The following FAM13B variants were observed in gnomAD, a reference collection of about 807,000 sequenced individuals.
FAM13B encodes protein FAM13B.
Under a neutral mutation model 117.3 loss-of-function variants are expected in FAM13B, and 60 were observed. The ratio of observed to expected loss-of-function variants is 0.51; its 90% CI spans 0.42 to 0.63. FAM13B has a LOEUF of 0.63. Ranked by LOEUF, FAM13B falls within the 30% of genes least tolerant of loss-of-function variation. The probability of loss-of-function intolerance (pLI) is 0.00; values close to 1 mark genes in which losing one functional copy is unlikely to be tolerated. For missense variants in FAM13B, 972 were observed against 1,091.9 expected (o/e 0.89, Z 1.55); for synonymous variants, 332 against 356.1 (o/e 0.93, Z 0.76).
chr5:138,026,142 T>G (rs1788290032), intron 1 of FAM13B, among the ~76,000 whole-genome samples: 1 of 152,098 alleles, frequency 6.6e-6, no homozygotes. Flanking sequence ...ACAACAACCC[T>G]AAAGGAGGCA....
In FAM13B at chr5:137,943,187, C is replaced by T; in HGVS notation, c.2370G>A (p.Gln790=). 6.2e-7 allele frequency: 1 copy of T among 1,614,052 alleles called. No individual in the cohort carries two copies. Among genetic ancestry groups the T allele is most frequent in the Non-Finnish European group, 8.5e-7 (1 of 1,179,984 alleles). Residue 790 remains glutamine (Q), a synonymous_variant, in exon 21 of 24, where the codon CAG becomes CAA. Transcript: ENST00000689681. Reference sequence around the variant, plus strand: ...CTCCTTCTATGATTGGCTGTAACATCTGACCCCTTCGCTTGGTGGATGGAG... The same window carrying T: ...CTCCTTCTATGATTGGCTGTAACATTTGACCCCTTCGCTTGGTGGATGGAG... ...LGSPSTKRRG[Q]MLQPIIEGET...
In FAM13B at chr5:137,942,007, T is replaced by C. The variant is rs564593715; in HGVS notation, c.2627A>G (p.Glu876Gly). ...CAACGTTTTGCGTAGTTTCTTTTTT[T>C]CAGCTCTGGCTTTCCAAAGTTGTTC... ...LLEQLWKARAEKKKLRKTLRE... is the reference protein window; with the variant it reads ...LLEQLWKARAGKKKLRKTLRE... The change falls in exon 23 of 24, where the codon GAA becomes GGA. Residue 876 changes from glutamate (E) to glycine (G), a missense_variant. Glu to Gly is a moderately conservative substitution (Grantham distance 98, BLOSUM62 -2). Transcript: ENST00000689681. 8 of 1,614,020 alleles carry C rather than the reference T, an allele frequency of 5.0e-6. No individual in the cohort carries two copies. The highest frequency in any genetic ancestry group is 6.8e-6 in the Non-Finnish European group (8 of 1,180,038).
rs1179051286 is a variant in FAM13B at position 137,940,149 on chromosome 5, T to C, written c.*76A>G. ...GAGTGCCTGACAAAACGAATTTAAG[T>C]ACCAGCCAAGTACACACGATGATAG... is the stretch of plus-strand genomic sequence containing the variant. On this transcript the variant is annotated 3_prime_UTR_variant, in exon 24 of 24. Transcript: ENST00000689681. 9 of 1,613,716 alleles carry C rather than the reference T, an allele frequency of 5.6e-6. No homozygotes were observed. Among genetic ancestry groups the C allele is most frequent in the African/African-American group, 4.0e-5 (3 of 74,912 alleles).
chr5:138,048,945 T>C (rs1188075229), intron 1 of FAM13B, among the ~76,000 whole-genome samples: 4 of 149,094 alleles, frequency 2.7e-5, no homozygotes, highest in African/African-American at 9.8e-5. Flanking sequence ...CATTTCTTTT[T>C]TTTTTTTTTT....
chr5:138,029,709 T>C (rs904728957), intron 1 of FAM13B, among the ~76,000 whole-genome samples: 5 of 152,250 alleles, frequency 3.3e-5, no homozygotes, highest in Non-Finnish European at 5.9e-5. Context: ...CAGCACCTAC[T>C]ATGTCAATCA....
chr5:137,977,921 C>T (rs1375056178), intron 10 of FAM13B, among the ~76,000 whole-genome samples: 1 of 152,100 alleles, frequency 6.6e-6, no homozygotes, highest in Non-Finnish European at 1.5e-5. Context: ...TAAAATCATC[C>T]ACAATCTATC....
Position 137,939,958 on chromosome 5 carries a change from T to C in FAM13B, c.*267A>G. On this transcript the variant is annotated 3_prime_UTR_variant, in exon 24 of 24. Transcript: ENST00000689681. ...TCCAGTCTTTTGCTAAAAGGATGTATCTGTAGTACAAAACAATGAAGTAAA... is the reference window on the plus strand; with the variant it reads ...TCCAGTCTTTTGCTAAAAGGATGTACCTGTAGTACAAAACAATGAAGTAAA... 1.4e-6 allele frequency: 2 copies of C among 1,452,154 alleles called. No homozygotes were observed. The allele number at this position is 1,452,154 out of a possible 1,614,324, so 90.0% of individuals were successfully genotyped here.
chr5:137,946,118 T>C (rs1763355999), intron 19 of FAM13B, 110 bp downstream of exon 19: 2 of 1,223,756 alleles, frequency 1.6e-6, no homozygotes, highest in East Asian at 4.7e-5. Flanking sequence ...AATCCCCCAA[T>C]TGTAGGAAAT....
At chr5:137,998,644 A>G (rs1000695682) in intron 7 of FAM13B, among the ~76,000 whole-genome samples, 3 of 152,362 alleles carry the variant, frequency 2.0e-5, no homozygotes, top group Admixed American at 6.5e-5. Context: ...ATTCTGGAAA[A>G]CCTGTATCCT....
At chr5:138,019,496 A>C (rs1215223151) in intron 2 of FAM13B, among the ~76,000 whole-genome samples, 1 of 152,250 alleles carries the variant, frequency 6.6e-6, no homozygotes, top group East Asian at 1.9e-4. Flanking sequence ...TTAATGACAC[A>C]GGTAAATCCA....
intron 10 of FAM13B, among the ~76,000 whole-genome samples, chr5:137,984,799 C>T (rs1776745567): frequency 1.3e-5 from 2 of 150,970 alleles, no homozygotes; most frequent in South Asian, 4.2e-4. Flanking sequence ...GATGGAGTCT[C>T]ACTCTGTCGC....
At chr5:138,042,684 A>G (rs1489996579) in intron 1 of FAM13B, among the ~76,000 whole-genome samples, 2 of 150,840 alleles carry the variant, frequency 1.3e-5, no homozygotes, top group African/African-American at 4.9e-5. Flanking sequence ...ACATCATGAT[A>G]CTGGTTCTGG....
intron 12 of FAM13B, 62 bp downstream of exon 12, chr5:137,960,104 C>A (rs1767733819): frequency 1.0e-6 from 1 of 975,448 alleles, no homozygotes; most frequent in Non-Finnish European, 1.6e-6. Context: ...CATTAAAGAC[C>A]AGACATAACA....
intron 10 of FAM13B, among the ~76,000 whole-genome samples, chr5:137,966,472 TATATATATATATATATAG>T (rs1179244933): frequency 8.8e-5 from 6 of 68,302 alleles, no homozygotes; most frequent in African/African-American, 3.3e-4. Context: ...TATATATATA[TATATATATATATATATAG>T]AGAGAGAGAG....
rs948980044 is a variant in FAM13B, at chr5:138,021,227, C to T, written c.-202-30G>A. ...AAGACAAAAACAATTATTTCAATTT[C>T]CCACATCTTTAACTGTCAGAAGAGA... On this transcript the variant is annotated intron_variant, in intron 1 of 23. Transcript: ENST00000689681. 2.5e-5 allele frequency: 31 copies of T among 1,227,556 alleles called. No individual in the cohort carries two copies. The Middle Eastern group carries it at 1.9e-3, about 74-fold the overall frequency. The allele number at this position is 1,227,556 out of a possible 1,614,324, so 76.0% of individuals were successfully genotyped here. A position where few individuals can be genotyped will look rare whatever the true frequency, so the allele number is the denominator to read the frequency against.
chr5:137,971,179 G>C (rs370618801), intron 10 of FAM13B, among the ~76,000 whole-genome samples: 45 of 151,294 alleles, frequency 3.0e-4, no homozygotes, highest in African/African-American at 6.5e-4. Flanking sequence ...CACCACACCA[G>C]ACCTATTCCA....
chr5:137,959,693 C>T lies in FAM13B; in HGVS notation c.1364G>A (p.Gly455Asp). 6.2e-7 allele frequency: 1 copy of T among 1,613,994 alleles called. No homozygotes were observed. Among genetic ancestry groups the T allele is most frequent in the African/African-American group, 1.3e-5 (1 of 75,050 alleles). ...GACACACGCTGCTTCCCCTTGAACACCAACACTCTGACCTCCTGGTACTTC... is the reference window on the plus strand; with the variant it reads ...GACACACGCTGCTTCCCCTTGAACATCAACACTCTGACCTCCTGGTACTTC... ...ESEVPGGQSV[G>D]VQGEAACVSI... is the part of the protein sequence containing the mutation. The change falls in exon 13 of 24, where the codon GGT becomes GAT. Residue 455 changes from glycine to aspartate, a missense_variant. Coordinates refer to ENST00000689681, the MANE Select transcript of FAM13B (RefSeq NM_001385994.1).
At chr5:138,037,480 G>T (rs1375319499), upstream of FAM13B, among the ~76,000 whole-genome samples, 6 of 151,030 alleles carry the variant, frequency 4.0e-5, no homozygotes, top group Non-Finnish European at 8.8e-5. Context: ...AGTGTCACTG[G>T]AATGAGACTT....
intron 7 of FAM13B, among the ~76,000 whole-genome samples, chr5:138,002,434 G>A (rs1348691581): frequency 6.6e-6 from 1 of 151,928 alleles, no homozygotes; most frequent in East Asian, 1.9e-4. Context: ...AGGAGACTGA[G>A]GCAGTAGAAT....
Sources: allele counts gnomAD v4.1 joint callset (sites outside exome capture counted in the v4.1 genomes callset), GRCh38; gene constraint gnomAD v4.1.1; transcripts MANE v1.5; gene names NCBI Gene and HGNC (gene_info 2026-07-23, HGNC 2026-07-21).